The following LSAMP variants were observed in gnomAD, a reference collection of about 807,000 sequenced individuals.
LSAMP encodes the protein limbic system-associated membrane protein.
A neutral mutation model predicts 38.6 loss-of-function variants in LSAMP; 7 were observed. The ratio of observed to expected loss-of-function variants is 0.18; its 90% CI spans 0.10 to 0.34. The LOEUF is 0.34. Among genes scored for constraint, LSAMP ranks in the 10% least tolerant of loss-of-function variants. LSAMP has a pLI of 1.00. For missense variants in LSAMP, 313 were observed against 420.0 expected, an observed-to-expected ratio of 0.75 and a Z score of 2.23; for synonymous variants, 154 against 166.8, an observed-to-expected ratio of 0.92 and a Z score of 0.59.
intron 2 of LSAMP, among the ~76,000 whole-genome samples, chr3:116,030,318 C>G (rs1940890607): frequency 1.3e-5 from 2 of 152,128 alleles, no homozygotes; most frequent in African/African-American, 4.8e-5. Context: ...TGTGTGATGT[C>G]AAGTGGCTGT....
At chr3:116,401,323 C>G (rs1314278331) in intron 1 of LSAMP, among the ~76,000 whole-genome samples, 1 of 152,112 alleles carries the variant, frequency 6.6e-6, no homozygotes, top group Non-Finnish European at 1.5e-5. Flanking sequence ...ACTCTGTTGC[C>G]AAGGCTGGAG....
chr3:115,997,837 GAA>G (rs1491555012), intron 3 of LSAMP, among the ~76,000 whole-genome samples: 1 of 137,584 alleles, frequency 7.3e-6, no homozygotes, highest in Non-Finnish European at 1.5e-5. Context: ...TTATATATTA[GAA>G]TATATATTAT....
intron 1 of LSAMP, among the ~76,000 whole-genome samples, chr3:116,281,996 T>G (rs188497579): frequency 1.6e-3 from 250 of 152,350 alleles, no homozygotes; most frequent in African/African-American, 5.8e-3. Context: ...AGGGATGCTA[T>G]TTAAGTGATT....
At chr3:116,215,089 C>T (rs916468491) in intron 1 of LSAMP, among the ~76,000 whole-genome samples, 2 of 152,078 alleles carry the variant, frequency 1.3e-5, no homozygotes, top group Admixed American at 1.3e-4. Context: ...ACATTGCGGA[C>T]GGATGGACCA....
chr3:116,019,397 C>T lies in LSAMP; in HGVS notation c.514+118G>A, dbSNP rs1313551814. ...AAGATAGATGCATGACCTTCTGATTCAACAGAATTTCAATTCTGATTCTGA... is the reference window on the plus strand; with the variant it reads ...AAGATAGATGCATGACCTTCTGATTTAACAGAATTTCAATTCTGATTCTGA... On this transcript the variant is annotated intron_variant, in intron 3 of 6. Transcript: ENST00000490035. 4.7e-6 allele frequency: 6 copies of T among 1,276,190 alleles called. No individual in the cohort carries two copies. In the East Asian group the frequency reaches 1.3e-4, roughly 28 times the overall value. 79.1% of individuals were successfully genotyped at this position (1,276,190 alleles called of 1,614,324 possible). A position where few individuals can be genotyped will look rare whatever the true frequency, so the allele number is the denominator to read the frequency against.
intron 1 of LSAMP, among the ~76,000 whole-genome samples, chr3:116,323,639 T>A (rs1365824409): frequency 1.3e-5 from 2 of 152,242 alleles, no homozygotes; most frequent in East Asian, 3.9e-4. Flanking sequence ...GCTGTTTGTC[T>A]CAGATTCATA....
At chr3:116,109,448 C>T (rs549403100) in intron 1 of LSAMP, among the ~76,000 whole-genome samples, 101 of 151,972 alleles carry the variant, frequency 6.6e-4, no homozygotes, top group Middle Eastern at 3.4e-3. Context: ...AGGCGACAGG[C>T]GGGAGGGAAA....
chr3:116,324,530 T>C (rs2047744735), intron 1 of LSAMP, among the ~76,000 whole-genome samples: 2 of 152,244 alleles, frequency 1.3e-5, no homozygotes, highest in South Asian at 4.1e-4. Flanking sequence ...GAGTGTGTAG[T>C]GATAAAACGT....
intron 1 of LSAMP, among the ~76,000 whole-genome samples, chr3:116,322,193 AT>A (rs1362019700): frequency 6.6e-6 from 1 of 152,170 alleles, no homozygotes; most frequent in Non-Finnish European, 1.5e-5. Flanking sequence ...CATCTGAGAG[AT>A]TTCACATCTT....
At chr3:116,078,305 T>A (rs1559733972) in intron 2 of LSAMP, among the ~76,000 whole-genome samples, 3 of 141,014 alleles carry the variant, frequency 2.1e-5, no homozygotes. Context: ...TTATTTATTT[T>A]ACTTTATTTT....
chr3:116,391,185 G>C (rs999222965), intron 1 of LSAMP, among the ~76,000 whole-genome samples: 6 of 152,102 alleles, frequency 3.9e-5, no homozygotes, highest in African/African-American at 1.4e-4. Flanking sequence ...CACTTTGATA[G>C]TACTGATGTC....
chr3:116,426,682 A>G (rs34073129), intron 1 of LSAMP, among the ~76,000 whole-genome samples: 81,276 of 151,882 alleles, frequency 0.54, 24,720 homozygotes, highest in East Asian at 0.72. Flanking sequence ...GGGAAACCAA[A>G]TCTGAAATGT....
At chr3:115,826,956 C>CTTTTT (rs67125824) in intron 6 of LSAMP, among the ~76,000 whole-genome samples, 1 of 133,476 alleles carries the variant, frequency 7.5e-6, no homozygotes, top group Non-Finnish European at 1.6e-5. Flanking sequence ...ATCATTCCGT[C>CTTTTT]TTTTTTTTTT....
At chr3:116,025,469 G>A (rs1269331764) in intron 2 of LSAMP, among the ~76,000 whole-genome samples, 4 of 151,820 alleles carry the variant, frequency 2.6e-5, no homozygotes, top group South Asian at 2.1e-4. Context: ...TCTATTGATC[G>A]CTCTTTTGTT....
At chr3:115,838,875 C>T (rs1053125721) in intron 6 of LSAMP, among the ~76,000 whole-genome samples, 5 of 152,150 alleles carry the variant, frequency 3.3e-5, no homozygotes, top group African/African-American at 9.7e-5. Context: ...GCTGAAAATG[C>T]GCTGACACAC....
intron 2 of LSAMP, among the ~76,000 whole-genome samples, chr3:116,020,871 G>C (rs1940619087): frequency 1.3e-5 from 2 of 152,170 alleles, no homozygotes; most frequent in Non-Finnish European, 2.9e-5. Context: ...GCATGAAGGA[G>C]TTCAATAATG....
At chr3:116,143,490 T>G (rs1709418952) in intron 1 of LSAMP, among the ~76,000 whole-genome samples, 1 of 151,872 alleles carries the variant, frequency 6.6e-6, no homozygotes, top group Admixed American at 6.6e-5. Flanking sequence ...ACTCAAAGGG[T>G]AGATGTTTGA....
Position 115,839,258 on chromosome 3 carries a change from TTTCTTTCCTTCCTTCCTTCCTTCC to T in LSAMP, c.919+2563_919+2586del, listed in dbSNP as rs1385743389. Reference sequence around the variant, plus strand: ...CCTTCTTTCCTTCCTTCCTTCCTTCTTTCTTTCCTTCCTTCCTTCCTTCCTTCCTTCCTTCCTTCCTTCCTTCCT... The same window carrying T: ...CCTTCTTTCCTTCCTTCCTTCCTTCTTTCCTTCCTTCCTTCCTTCCTTCCT... On this transcript the variant is annotated intron_variant, in intron 6 of 6. Coordinates refer to ENST00000490035, the MANE Select transcript of LSAMP (RefSeq NM_002338.5). Among the ~76,000 whole-genome samples, 205 of 105,224 alleles carry T rather than the reference TTTCTTTCCTTCCTTCCTTCCTTCC, an allele frequency of 1.9e-3. 2 individuals are homozygous for T. The highest frequency in any genetic ancestry group is 6.3e-3 in the South Asian group (17 of 2,688). 69.0% of individuals were successfully genotyped at this position (105,224 alleles called of 152,430 possible).
chr3:116,114,630 A>G (rs969547072), intron 1 of LSAMP, among the ~76,000 whole-genome samples: 1 of 152,206 alleles, frequency 6.6e-6, no homozygotes, highest in African/African-American at 2.4e-5. Context: ...TTACACTCAC[A>G]TATTTAAGAG....
Sources: gnomAD v4.1 joint callset for allele counts (sites outside exome capture counted in the v4.1 genomes callset) on GRCh38, gnomAD v4.1.1 for gene constraint, MANE v1.5 for transcripts, NCBI Gene and HGNC (gene_info 2026-07-23, HGNC 2026-07-21) for gene names.